Variants in PTPRD observed in about 807,000 individuals in gnomAD.
The protein encoded by PTPRD is protein tyrosine phosphatase receptor type D, also known as receptor-type tyrosine-protein phosphatase delta.
Under a neutral mutation model 214.5 loss-of-function variants are expected in PTPRD, and 34 were observed. The ratio of observed to expected loss-of-function variants is 0.16; its 90% CI spans 0.12 to 0.21. PTPRD has a LOEUF of 0.21. Ranked by LOEUF, PTPRD falls within the 10% of genes least tolerant of loss-of-function variation. The pLI is 1.00. For synonymous variants in PTPRD, 1,128 were observed against 845.7 expected, an observed-to-expected ratio of 1.33 and a Z score of -5.79; for missense variants, 2,545 against 2,398.7, an observed-to-expected ratio of 1.06 and a Z score of -1.27.
intron 11 of PTPRD, among the ~76,000 whole-genome samples, chr9:8,815,182 T>C (rs927243873): frequency 6.6e-6 from 1 of 152,016 alleles, no homozygotes; most frequent in Non-Finnish European, 1.5e-5. Context: ...AAAGAAGATA[T>C]AGAGTAGAAG....
chr9:8,729,913 T>A (rs2098636186), intron 12 of PTPRD, among the ~76,000 whole-genome samples: 1 of 152,206 alleles, frequency 6.6e-6, no homozygotes, highest in Non-Finnish European at 1.5e-5. Flanking sequence ...AGTGATATAA[T>A]ACCAAAGGGG....
intron 11 of PTPRD, among the ~76,000 whole-genome samples, chr9:8,898,658 G>A (rs1210864322): frequency 6.6e-6 from 1 of 151,890 alleles, no homozygotes; most frequent in East Asian, 1.9e-4. Flanking sequence ...CATAAGACTT[G>A]GCACGAATAA....
intron 11 of PTPRD, among the ~76,000 whole-genome samples, chr9:8,947,019 T>TC (rs2099069345): frequency 7.6e-6 from 1 of 130,782 alleles, no homozygotes; most frequent in African/African-American, 2.9e-5. Context: ...TCTGTATTTT[T>TC]TTTTCTTTTC....
At position 9,997,569 on chromosome 9, in the gene PTPRD, G is replaced by A. The variant is rs573677393; in HGVS notation, c.-472+36149C>T. Among the ~76,000 whole-genome samples, 11 of 152,244 alleles carry A rather than the reference G, an allele frequency of 7.2e-5. No individual in the cohort carries two copies. In the South Asian group the frequency reaches 8.3e-4, roughly 11 times the overall value. On this transcript the variant is annotated intron_variant, in intron 4 of 45. Coordinates refer to ENST00000381196, the MANE Select transcript of PTPRD (RefSeq NM_002839.4). The stretch of plus-strand genomic sequence containing the variant: ...CTCCCAAAGTGCTGTGATTACAGGC[G>A]TGAGCCACCGTGCCTGGCCAACATG...
chr9:10,455,844 T>TA (rs2098911276), intron 2 of PTPRD, among the ~76,000 whole-genome samples: 1 of 151,876 alleles, frequency 6.6e-6, no homozygotes, highest in East Asian at 1.9e-4. Flanking sequence ...CAGTAGAATA[T>TA]AAAATATGTA....
intron 14 of PTPRD, 21 bp downstream of exon 14, chr9:8,633,296 A>T (rs761371584): frequency 1.9e-6 from 3 of 1,605,446 alleles, no homozygotes; most frequent in Non-Finnish European, 1.7e-6. Flanking sequence ...CACAAACGAC[A>T]ACCTTCACTT....
chr9:10,554,887 C>G (rs1441879206), intron 2 of PTPRD, among the ~76,000 whole-genome samples: 3 of 152,136 alleles, frequency 2.0e-5, no homozygotes, highest in Non-Finnish European at 2.9e-5. Flanking sequence ...GTCTCGATCT[C>G]CTGACCTCGT....
At chr9:8,770,150 G>A (rs577990292) in intron 11 of PTPRD, among the ~76,000 whole-genome samples, 21 of 152,078 alleles carry the variant, frequency 1.4e-4, no homozygotes, top group African/African-American at 5.1e-4. Flanking sequence ...GCTTGGTGGT[G>A]CACGCCTGTA....
At chr9:9,158,592 T>C (rs373064068) in intron 10 of PTPRD, among the ~76,000 whole-genome samples, 335 of 151,994 alleles carry the variant, frequency 2.2e-3, no homozygotes, top group African/African-American at 7.8e-3. Flanking sequence ...AGAGTGAGAC[T>C]CCATCTCGAA....
chr9:9,418,796 G>C (rs1778040250), intron 8 of PTPRD, among the ~76,000 whole-genome samples: 1 of 151,854 alleles, frequency 6.6e-6, no homozygotes, highest in Non-Finnish European at 1.5e-5. Context: ...TTGATCAGTA[G>C]CAATATCACT....
intron 13 of PTPRD, among the ~76,000 whole-genome samples, chr9:8,634,584 A>AT (rs2096368406): frequency 1.3e-5 from 2 of 152,092 alleles, no homozygotes; most frequent in Non-Finnish European, 2.9e-5. Context: ...CCATTTCTCA[A>AT]TGCACTACAG....
chr9:9,132,349 G>T (rs910298103), intron 10 of PTPRD, among the ~76,000 whole-genome samples: 2 of 152,122 alleles, frequency 1.3e-5, no homozygotes, highest in Non-Finnish European at 2.9e-5. Context: ...CCTAAATCTT[G>T]CATGATTTGG....
intron 9 of PTPRD, among the ~76,000 whole-genome samples, chr9:9,235,773 T>C (rs1196560339): frequency 6.6e-6 from 1 of 152,214 alleles, no homozygotes; most frequent in Non-Finnish European, 1.5e-5. Context: ...AAAATTTGTT[T>C]GTTCCTTCCT....
chr9:9,764,485 G>A (rs2098690361), intron 6 of PTPRD, among the ~76,000 whole-genome samples: 2 of 152,082 alleles, frequency 1.3e-5, no homozygotes, highest in African/African-American at 2.4e-5. Context: ...TATCACATGT[G>A]CTTACATAAC....
intron 2 of PTPRD, among the ~76,000 whole-genome samples, chr9:10,545,383 A>C (rs1258398445): frequency 6.6e-6 from 1 of 152,134 alleles, no homozygotes; most frequent in Admixed American, 6.6e-5. Context: ...CATTTCTTTC[A>C]GATATTTTAG....
intron 2 of PTPRD, among the ~76,000 whole-genome samples, chr9:10,465,074 A>G (rs915339971): frequency 6.6e-6 from 1 of 152,202 alleles, no homozygotes; most frequent in South Asian, 2.1e-4. Context: ...AAAGGTGAAT[A>G]GTGTTATTTA....
At chr9:9,247,470 A>G (rs1320021565) in intron 9 of PTPRD, among the ~76,000 whole-genome samples, 1 of 152,058 alleles carries the variant, frequency 6.6e-6, no homozygotes, top group Non-Finnish European at 1.5e-5. Flanking sequence ...TTTTCCTGTT[A>G]ACCATCTTTC....
chr9:9,598,779 T>C (rs144905280), intron 7 of PTPRD, among the ~76,000 whole-genome samples: 1 of 152,022 alleles, frequency 6.6e-6, no homozygotes, highest in South Asian at 2.1e-4. Flanking sequence ...TCAATCTCTA[T>C]CACAGTGGCT....
In PTPRD at chr9:10,370,203, C is replaced by T. The variant is rs114149979; in HGVS notation, c.-599-29186G>A. Among the ~76,000 whole-genome samples, 1,165 of 152,090 alleles carry T rather than the reference C, an allele frequency of 7.7e-3. 16 individuals are homozygous for T. The highest frequency in any genetic ancestry group is 0.027 in the African/African-American group (1,118 of 41,512). ...TATTTGAGAACATTATTTATTTTCA[C>T]AGTTCTTATGTTGAAAAGCCTCACT... On this transcript the variant is annotated intron_variant, in intron 2 of 45. Coordinates refer to ENST00000381196, the MANE Select transcript of PTPRD (RefSeq NM_002839.4).
Sources: allele counts gnomAD v4.1 joint callset (sites outside exome capture counted in the v4.1 genomes callset), GRCh38; gene constraint gnomAD v4.1.1; transcripts MANE v1.5; gene names NCBI Gene and HGNC (gene_info 2026-07-23, HGNC 2026-07-21).